SLC8A1: variants seen among roughly 807,000 people sequenced by gnomAD.
SLC8A1 encodes the protein sodium/calcium exchanger 1.
In SLC8A1, 18 loss-of-function variants were observed where a neutral mutation model predicts 68.3. The observed-to-expected ratio is 0.26, with a 90% CI of 0.18 to 0.39. The LOEUF (loss-of-function observed/expected upper bound fraction) is 0.39. Among genes scored for constraint, SLC8A1 ranks in the 10% least tolerant of loss-of-function variants. SLC8A1 has a pLI of 1.00. For synonymous variants in SLC8A1, 475 were observed against 415.5 expected (o/e 1.14, Z -1.74); for missense variants, 985 against 1,156.7 (o/e 0.85, Z 2.15).
intron 2 of SLC8A1, among the ~76,000 whole-genome samples, chr2:40,327,448 T>C (rs531128741): frequency 3.3e-5 from 5 of 152,358 alleles, no homozygotes; most frequent in Admixed American, 2.0e-4. Context: ...TTAATACATG[T>C]TGCCAAATTT....
chr2:40,128,807 T>A (rs944683037), intron 7 of SLC8A1, among the ~76,000 whole-genome samples: 30 of 152,062 alleles, frequency 2.0e-4, no homozygotes, highest in African/African-American at 7.2e-4. Context: ...TAGAGAGAGA[T>A]TCTGTGATGA....
chr2:40,398,707 C>T (rs13006352), intron 2 of SLC8A1, among the ~76,000 whole-genome samples: 8,635 of 152,112 alleles, frequency 0.057, 394 homozygotes, highest in Non-Finnish European at 0.083. Flanking sequence ...TTTAAAATGG[C>T]TGTATAGTAT....
chr2:40,314,731 T>C (rs1281114709), intron 2 of SLC8A1, among the ~76,000 whole-genome samples: 6 of 152,046 alleles, frequency 3.9e-5, no homozygotes, highest in Non-Finnish European at 8.8e-5. Context: ...TTGGTCAGAT[T>C]TATCCCCAAG....
intron 1 of SLC8A1, among the ~76,000 whole-genome samples, chr2:40,461,951 A>G (rs977954588): frequency 3.3e-5 from 5 of 150,110 alleles, no homozygotes; most frequent in Non-Finnish European, 5.9e-5. Context: ...AATGGAAAGA[A>G]TATGCTAGAT....
At chr2:40,383,697 G>T (rs1228892588) in intron 2 of SLC8A1, among the ~76,000 whole-genome samples, 1 of 152,068 alleles carries the variant, frequency 6.6e-6, no homozygotes, top group Non-Finnish European at 1.5e-5. Flanking sequence ...TTAAGTAGTT[G>T]TCACTTAAAT....
exon 8 of SLC8A1, chr2:40,107,279 C>CAAAAAAAAAAAAAAAAG (rs571403529): frequency 1.1e-4 from 7 of 64,956 alleles, no homozygotes; most frequent in Non-Finnish European, 1.8e-4. Flanking sequence ...GACTCCGTCT[C>CAAAAAAAAAAAAAAAAG]AAAAAAAAAA....
chr2:40,106,581 A>G (rs1015983049), exon 8 of SLC8A1: 1 of 152,224 alleles, frequency 6.6e-6, no homozygotes, highest in Non-Finnish European at 1.5e-5. Flanking sequence ...TGTCTCAAAT[A>G]AGATCTGGAG....
At chr2:40,242,172 G>C (rs2061314335) in intron 2 of SLC8A1, among the ~76,000 whole-genome samples, 1 of 152,134 alleles carries the variant, frequency 6.6e-6, no homozygotes, top group Non-Finnish European at 1.5e-5. Flanking sequence ...GAGAGAGACA[G>C]AGAATATGAA....
chr2:40,444,660 A>G (rs189148681), intron 1 of SLC8A1, among the ~76,000 whole-genome samples: 1 of 152,338 alleles, frequency 6.6e-6, no homozygotes, highest in East Asian at 1.9e-4. Context: ...CACAAAATTA[A>G]AATGTTTCTT....
intron 2 of SLC8A1, among the ~76,000 whole-genome samples, chr2:40,360,710 A>C (rs1674351371): frequency 6.6e-6 from 1 of 152,170 alleles, no homozygotes; most frequent in Non-Finnish European, 1.5e-5. Context: ...CAAGGAACCT[A>C]ATTTTAGAAT....
At position 40,157,015 on chromosome 2, in the gene SLC8A1, A is replaced by G. The variant is rs189941025; in HGVS notation, c.2161+3750T>C. ...TTTTGCTTCTTGAGCAAGTAGTTAC[A>G]TTGTTTTTCCAAACCTCAGTGTTCT... On this transcript the variant is annotated intron_variant, in intron 6 of 7. Coordinates refer to ENST00000406785, the Ensembl canonical transcript of SLC8A1. Among the ~76,000 whole-genome samples the G allele has an allele frequency of 8.3e-4, 127 of 152,272 alleles. 1 individual carries two copies. In the East Asian group the frequency reaches 0.014, roughly 17 times the overall value.
intron 2 of SLC8A1, among the ~76,000 whole-genome samples, chr2:40,285,378 T>C (rs748195663): frequency 2.6e-5 from 4 of 152,190 alleles, no homozygotes; most frequent in Non-Finnish European, 4.4e-5. Flanking sequence ...GACAAGAGCA[T>C]CATAAACTAT....
intron 6 of SLC8A1, among the ~76,000 whole-genome samples, chr2:40,157,915 T>C (rs2044871846): frequency 6.6e-6 from 1 of 152,168 alleles, no homozygotes; most frequent in African/African-American, 2.4e-5. Context: ...GGCAGAATCA[T>C]TATGGTCACA....
intron 2 of SLC8A1, among the ~76,000 whole-genome samples, chr2:40,222,362 T>C (rs952501203): frequency 6.8e-4 from 103 of 152,192 alleles, no homozygotes; most frequent in African/African-American, 2.4e-3. Flanking sequence ...TTATACCTTA[T>C]ACAAAAATTA....
At chr2:40,357,618 T>C (rs1372733281) in intron 2 of SLC8A1, among the ~76,000 whole-genome samples, 1 of 151,708 alleles carries the variant, frequency 6.6e-6, no homozygotes, top group Non-Finnish European at 1.5e-5. Flanking sequence ...AGTAAACCAC[T>C]ATGGCGTGTG....
chr2:40,165,727 G>T (rs2046436982), intron 4 of SLC8A1, among the ~76,000 whole-genome samples: 1 of 152,122 alleles, frequency 6.6e-6, no homozygotes, highest in South Asian at 2.1e-4. Flanking sequence ...GAACTACCAT[G>T]TAGCTTACAG....
At chr2:40,272,572 C>T (rs1574967862) in intron 2 of SLC8A1, among the ~76,000 whole-genome samples, 1 of 152,298 alleles carries the variant, frequency 6.6e-6, no homozygotes, top group Admixed American at 6.5e-5. Context: ...TGGGTCAGGT[C>T]CCTGCACCTG....
chr2:40,203,097 G>C (rs2054709751), intron 2 of SLC8A1, among the ~76,000 whole-genome samples: 1 of 151,886 alleles, frequency 6.6e-6, no homozygotes, highest in South Asian at 2.1e-4. Flanking sequence ...TAAAACAAAA[G>C]GATTAAACTT....
chr2:40,206,675 T>G (rs568881359), intron 2 of SLC8A1, among the ~76,000 whole-genome samples: 55 of 152,062 alleles, frequency 3.6e-4, no homozygotes, highest in African/African-American at 1.3e-3. Flanking sequence ...AGAATGAGCT[T>G]TAGGCCTGGG....
Sources: allele counts gnomAD v4.1 joint callset (sites outside exome capture counted in the v4.1 genomes callset), GRCh38; gene constraint gnomAD v4.1.1; transcripts MANE v1.5; gene names NCBI Gene and HGNC (gene_info 2026-07-23, HGNC 2026-07-21).